CTNND2: variants seen among roughly 807,000 people sequenced by gnomAD.
The protein encoded by CTNND2 is catenin delta-2.
A neutral mutation model predicts 144.4 loss-of-function variants in CTNND2; 22 were observed. That is an observed-to-expected ratio of 0.15 (90% CI 0.11 to 0.22). The LOEUF is 0.22. CTNND2 is among the 10% of genes least tolerant of loss of function. The pLI is 1.00. For synonymous variants in CTNND2, 751 were observed against 695.6 expected (o/e 1.08, Z -1.25); for missense variants, 1,353 against 1,618.8 (o/e 0.84, Z 2.82).
chr5:11,741,606 A>G (rs1330033095), intron 1 of CTNND2, among the ~76,000 whole-genome samples: 1 of 151,972 alleles, frequency 6.6e-6, no homozygotes, highest in Non-Finnish European at 1.5e-5. Flanking sequence ...CATTAGGAGA[A>G]ATACCTAATG....
chr5:11,293,740 A>G (rs444811), intron 9 of CTNND2, among the ~76,000 whole-genome samples: 42,992 of 147,184 alleles, frequency 0.29, 6,503 homozygotes, highest in Middle Eastern at 0.38. Context: ...ACAGAATACA[A>G]CCACCTTTTG....
At chr5:11,767,027 T>A (rs1391886252) in intron 1 of CTNND2, among the ~76,000 whole-genome samples, 1 of 152,002 alleles carries the variant, frequency 6.6e-6, no homozygotes, top group Non-Finnish European at 1.5e-5. Context: ...ACTCCATCCA[T>A]CTACATTGTC....
intron 3 of CTNND2, among the ~76,000 whole-genome samples, chr5:11,518,947 A>T (rs1772456818): frequency 6.6e-6 from 1 of 152,138 alleles, no homozygotes; most frequent in South Asian, 2.1e-4. Flanking sequence ...AAGGTAATAG[A>T]ATTTCAACAC....
intron 2 of CTNND2, among the ~76,000 whole-genome samples, chr5:11,662,007 A>C (rs1166811759): frequency 6.6e-6 from 1 of 151,094 alleles, no homozygotes; most frequent in Non-Finnish European, 1.5e-5. Flanking sequence ...ACAAACACAC[A>C]CATATATACA....
chr5:10,996,963 G>A (rs1358989021), intron 18 of CTNND2, among the ~76,000 whole-genome samples: 2 of 152,098 alleles, frequency 1.3e-5, no homozygotes, highest in Non-Finnish European at 2.9e-5. Flanking sequence ...GAAGACAGGT[G>A]GAATATATGG....
chr5:11,551,432 CTTTTTTT>C (rs70949326), intron 3 of CTNND2, among the ~76,000 whole-genome samples: 47 of 100,912 alleles, frequency 4.7e-4, no homozygotes, highest in African/African-American at 1.1e-3. Context: ...TTTCTTTTTT[CTTTTTTT>C]TTTTTTTTTT....
intron 9 of CTNND2, among the ~76,000 whole-genome samples, chr5:11,257,645 G>A (rs886259473): frequency 2.6e-5 from 4 of 152,100 alleles, no homozygotes; most frequent in Non-Finnish European, 4.4e-5. Context: ...CTCCCACTAG[G>A]TTTCTCCCAA....
intron 12 of CTNND2, among the ~76,000 whole-genome samples, chr5:11,128,790 A>G (rs1754986127): frequency 2.7e-5 from 1 of 36,904 alleles, no homozygotes; most frequent in Admixed American, 4.4e-4. Context: ...ATATATAAAT[A>G]TATATTATAT....
Position 11,903,477 on chromosome 5 carries a change from G to A in CTNND2, c.37+340C>T, listed in dbSNP as rs926704978. The A allele has an allele frequency of 3.1e-6, 2 of 643,610 alleles. No homozygotes were observed. The highest frequency in any genetic ancestry group is 2.0e-5 in the African/African-American group (1 of 49,822). The allele number at this position is 643,610 out of a possible 1,614,324, so 39.9% of individuals were successfully genotyped here. A position where few individuals can be genotyped will look rare whatever the true frequency, so the allele number is the denominator to read the frequency against. The stretch of plus-strand genomic sequence containing the variant: ...ATATTAGGGACGTCATGAATGCACC[G>A]AGTATGTTCTCAGGGTGGCGGGGAG... On this transcript the variant is annotated intron_variant, in intron 1 of 21. Coordinates refer to ENST00000304623, the MANE Select transcript of CTNND2 (RefSeq NM_001332.4). This position sits in a 1 kb window ranked among gnomAD's most constrained non-coding sequence, Gnocchi z 5.4.
At chr5:11,625,495 G>A (rs1219416138) in intron 2 of CTNND2, among the ~76,000 whole-genome samples, 6 of 151,398 alleles carry the variant, frequency 4.0e-5, no homozygotes, top group Non-Finnish European at 7.4e-5. Flanking sequence ...CTGAAGTGTA[G>A]GATGTAAAAT....
intron 16 of CTNND2, among the ~76,000 whole-genome samples, chr5:11,048,987 C>T (rs1051650462): frequency 6.6e-5 from 10 of 152,160 alleles, no homozygotes; most frequent in African/African-American, 1.9e-4. Context: ...TAGCACCCTC[C>T]CATCCACACC....
intron 18 of CTNND2, among the ~76,000 whole-genome samples, chr5:11,010,860 A>G (rs993712044): frequency 2.6e-5 from 4 of 152,268 alleles, no homozygotes; most frequent in Admixed American, 2.6e-4. Flanking sequence ...CCAAGAGTCT[A>G]TCTTCTCTGA....
At chr5:11,872,641 T>C (rs1735229497) in intron 1 of CTNND2, among the ~76,000 whole-genome samples, 1 of 151,482 alleles carries the variant, frequency 6.6e-6, no homozygotes, top group Admixed American at 6.6e-5. Context: ...CCAGTGATGA[T>C]GAGCTTTTTT....
chr5:11,042,644 T>C (rs1191758586), intron 16 of CTNND2, among the ~76,000 whole-genome samples: 1 of 152,230 alleles, frequency 6.6e-6, no homozygotes, highest in Non-Finnish European at 1.5e-5. Context: ...CAATTCTACT[T>C]CTAATGTAAA....
intron 1 of CTNND2, among the ~76,000 whole-genome samples, chr5:11,735,907 G>C (rs573559679): frequency 1.3e-5 from 2 of 152,142 alleles, no homozygotes; most frequent in Non-Finnish European, 2.9e-5. Context: ...AGCACCTCAT[G>C]CTGAGAAAGG....
chr5:11,423,330 G>A (rs1232463167), intron 3 of CTNND2, among the ~76,000 whole-genome samples: 1 of 152,188 alleles, frequency 6.6e-6, no homozygotes, highest in Non-Finnish European at 1.5e-5. Context: ...CCCTGATCCT[G>A]AGAGTGAAGA....
rs142453571 is a variant in CTNND2 at position 11,620,365 on chromosome 5, TC to T, written c.175-55310del. On this transcript the variant is annotated intron_variant, in intron 2 of 21. Coordinates refer to ENST00000304623, the MANE Select transcript of CTNND2 (RefSeq NM_001332.4). ...GGGCTGTCACATTCAGGACCAATAT[TC>T]CCCTGCCTAGTCATCCCAGGGGCAG... Among the ~76,000 whole-genome samples the T allele has an allele frequency of 8.0e-3, 1,214 of 152,188 alleles. 16 individuals carry two copies. Among genetic ancestry groups the T allele is most frequent in the African/African-American group, 0.028 (1,153 of 41,506 alleles).
At chr5:11,190,592 G>C (rs1275234794) in intron 11 of CTNND2, among the ~76,000 whole-genome samples, 2 of 152,228 alleles carry the variant, frequency 1.3e-5, no homozygotes, top group Non-Finnish European at 2.9e-5. Context: ...TATTCTGTTA[G>C]AACTTGGTTG....
chr5:11,464,537 T>C (rs1766494969), intron 3 of CTNND2, among the ~76,000 whole-genome samples: 1 of 152,136 alleles, frequency 6.6e-6, no homozygotes, highest in Admixed American at 6.5e-5. Flanking sequence ...AGAGCTTCCA[T>C]ATTTACTCTG....
Sources: gnomAD v4.1 joint callset for allele counts (sites outside exome capture counted in the v4.1 genomes callset) on GRCh38, gnomAD v4.1.1 for gene constraint, Gnocchi (gnomAD v3.1) non-coding constraint, MANE v1.5 for transcripts, NCBI Gene and HGNC (gene_info 2026-07-23, HGNC 2026-07-21) for gene names.